Variants in NYAP2 observed in about 807,000 individuals in gnomAD.
NYAP2 encodes the protein neuronal tyrosine-phosphorylated phosphoinositide-3-kinase adaptor 2.
Under a neutral mutation model 50.4 loss-of-function variants are expected in NYAP2, and 23 were observed. The observed-to-expected ratio is 0.46, with a 90% CI of 0.33 to 0.65. The LOEUF (loss-of-function observed/expected upper bound fraction) is 0.65. Ranked by LOEUF, NYAP2 falls within the 30% of genes least tolerant of loss-of-function variation. The pLI is 0.02. For missense variants in NYAP2, 885 were observed against 861.0 expected (o/e 1.03, Z -0.35); for synonymous variants, 394 against 365.2 (o/e 1.08, Z -0.90).
At chr2:225,677,475 C>T in the NYAP2 span, among the ~76,000 whole-genome samples, 2 of 152,114 alleles carry the variant, frequency 1.3e-5, no homozygotes, top group African/African-American at 2.4e-5. Flanking sequence ...AGTGGGCATC[C>T]TGTTCTGCTT....
chr2:225,534,047 A>G (rs944175128), intron 4 of NYAP2, among the ~76,000 whole-genome samples: 1 of 152,372 alleles, frequency 6.6e-6, no homozygotes, highest in South Asian at 2.1e-4. Flanking sequence ...AGTAAATTAA[A>G]TGTAAAATTA....
At position 225,564,529 on chromosome 2, in the gene NYAP2, G is replaced by C. The variant is rs149510203; in HGVS notation, c.524-17412G>C. The stretch of plus-strand genomic sequence containing the variant: ...AAAGGTAAACAGAACTTACATAAAA[G>C]ACCAACTAAAGAGTATTGGGTCATT... On this transcript the variant is annotated intron_variant, in intron 4 of 6. Transcript: ENST00000636099. 4.1e-3 allele frequency among the ~76,000 whole-genome samples: 620 copies of C among 151,842 alleles called. 6 individuals are homozygous for C. The highest frequency in any genetic ancestry group is 0.021 in the Middle Eastern group (6 of 292).
chr2:225,534,897 G>A (rs779781967), intron 4 of NYAP2, among the ~76,000 whole-genome samples: 4 of 152,310 alleles, frequency 2.6e-5, no homozygotes, highest in Non-Finnish European at 2.9e-5. Context: ...TTGGGAGTGC[G>A]CAGTTTTGCG....
At chr2:225,445,081 G>C (rs186071851) in intron 3 of NYAP2, among the ~76,000 whole-genome samples, 14 of 152,212 alleles carry the variant, frequency 9.2e-5, no homozygotes, top group African/African-American at 3.4e-4. Context: ...AAAAAATATA[G>C]AGGTATGTAA....
At chr2:225,459,335 G>C (rs952990815) in intron 3 of NYAP2, among the ~76,000 whole-genome samples, 1 of 152,156 alleles carries the variant, frequency 6.6e-6, no homozygotes. Flanking sequence ...AGGATGTCTT[G>C]TTGGTGTTTG....
At chr2:225,434,496 G>A (rs1220626982) in intron 3 of NYAP2, among the ~76,000 whole-genome samples, 1 of 152,184 alleles carries the variant, frequency 6.6e-6, no homozygotes, top group Non-Finnish European at 1.5e-5. Flanking sequence ...GAGAGAAGCA[G>A]TTTTTTGAAA....
At chr2:225,562,789 C>T (rs761052089) in intron 4 of NYAP2, among the ~76,000 whole-genome samples, 32 of 152,140 alleles carry the variant, frequency 2.1e-4, no homozygotes, top group Non-Finnish European at 3.4e-4. Flanking sequence ...TCTACTTGTG[C>T]GTTTCCAGCA....
chr2:225,614,429 G>A (rs954394850), intron 5 of NYAP2, among the ~76,000 whole-genome samples: 2 of 152,128 alleles, frequency 1.3e-5, no homozygotes, highest in African/African-American at 4.8e-5. Context: ...TATGTAAGCT[G>A]TTCAAATGAA....
intron 3 of NYAP2, among the ~76,000 whole-genome samples, chr2:225,451,794 A>G (rs1487869576): frequency 2.6e-5 from 4 of 152,222 alleles, no homozygotes; most frequent in Non-Finnish European, 4.4e-5. Context: ...TGGAAATTTC[A>G]TTCATTTGTA....
the NYAP2 span, among the ~76,000 whole-genome samples, chr2:225,667,130 A>C: frequency 6.6e-6 from 1 of 151,010 alleles, no homozygotes; most frequent in Admixed American, 6.6e-5. Flanking sequence ...AGAATTTATA[A>C]GTTGCCTTCC....
Position 225,606,280 on chromosome 2 carries a change from C to T in NYAP2, c.1619-20637C>T, listed in dbSNP as rs949075824. Among the ~76,000 whole-genome samples the T allele has an allele frequency of 2.0e-5, 3 of 152,038 alleles. No individual in the cohort carries two copies. The South Asian group carries it at 6.2e-4, about 32-fold the overall frequency. ...ACTGGGACTCCCCAGATCAAAGTGT[C>T]CAGAGGTGTGAACTTTCTGCACTTG... On this transcript the variant is annotated intron_variant, in intron 5 of 6. Transcript: ENST00000636099.
At chr2:225,651,396 T>G in intron 6 of NYAP2, 36 bp from the exon 7 acceptor site, 2 of 1,613,318 alleles carry the variant, frequency 1.2e-6, no homozygotes, top group Non-Finnish European at 1.7e-6. Context: ...CAGATGTCAG[T>G]CAGCTAATAT....
intron 3 of NYAP2, among the ~76,000 whole-genome samples, chr2:225,459,504 T>C (rs1689790178): frequency 6.6e-6 from 1 of 152,172 alleles, no homozygotes; most frequent in Admixed American, 6.5e-5. Flanking sequence ...TAACTTAAGC[T>C]TCCATATAAT....
chr2:225,504,249 T>C (rs1024411036), intron 3 of NYAP2, among the ~76,000 whole-genome samples: 8 of 152,168 alleles, frequency 5.3e-5, no homozygotes, highest in Non-Finnish European at 7.4e-5. Context: ...GGTTCATTGA[T>C]GGCTGTTTTC....
the NYAP2 span, among the ~76,000 whole-genome samples, chr2:225,662,789 T>A: frequency 6.6e-6 from 1 of 152,150 alleles, no homozygotes; most frequent in Admixed American, 6.5e-5. Context: ...GAGAAACCAA[T>A]AGAGCTGAAG....
intron 3 of NYAP2, among the ~76,000 whole-genome samples, chr2:225,435,849 G>A (rs573734227): frequency 8.8e-4 from 134 of 152,190 alleles, no homozygotes; most frequent in Middle Eastern, 3.4e-3. Flanking sequence ...CTTGGGCCCT[G>A]GAAACAGACA....
At chr2:225,399,266 A>G (rs1356522253), upstream of NYAP2, among the ~76,000 whole-genome samples, 1 of 152,050 alleles carries the variant, frequency 6.6e-6, no homozygotes, top group Non-Finnish European at 1.5e-5. Context: ...CAAAATTAAT[A>G]GATTAAAACA....
At chr2:225,676,342 G>A in the NYAP2 span, among the ~76,000 whole-genome samples, 7 of 151,934 alleles carry the variant, frequency 4.6e-5, no homozygotes, top group Non-Finnish European at 1.0e-4. Flanking sequence ...TGAGAGGTAC[G>A]GGTCTAGTTT....
intron 5 of NYAP2, among the ~76,000 whole-genome samples, chr2:225,585,818 A>G (rs550149562): frequency 1.3e-5 from 2 of 152,330 alleles, no homozygotes; most frequent in South Asian, 2.1e-4. Context: ...TCATAATGCA[A>G]AACATAGAAC....
Sources: gnomAD v4.1 joint callset for allele counts (sites outside exome capture counted in the v4.1 genomes callset) on GRCh38, gnomAD v4.1.1 for gene constraint, MANE v1.5 for transcripts, NCBI Gene and HGNC (gene_info 2026-07-23, HGNC 2026-07-21) for gene names.